ABR: variants seen among roughly 807,000 people sequenced by gnomAD.
ABR encodes the protein active breakpoint cluster region-related protein.
Under a neutral mutation model 107.2 loss-of-function variants are expected in ABR, and 35 were observed. The ratio of observed to expected loss-of-function variants is 0.33; its 90% CI spans 0.25 to 0.43. The LOEUF is 0.43. Among genes scored for constraint, ABR ranks in the 20% least tolerant of loss-of-function variants. The pLI is 1.00. For synonymous variants in ABR, 498 were observed against 462.0 expected (o/e 1.08, Z -1.00); for missense variants, 815 against 1,115.2 (o/e 0.73, Z 3.83).
At chr17:1,058,419 C>T (rs1158895063) in intron 11 of ABR, among the ~76,000 whole-genome samples, 1 of 152,084 alleles carries the variant, frequency 6.6e-6, no homozygotes, top group African/African-American at 2.4e-5. Context: ...GGATGACAGG[C>T]ATGAGCCACT....
intron 16 of ABR, among the ~76,000 whole-genome samples, chr17:1,015,214 C>T (rs1179850423): frequency 2.0e-5 from 3 of 151,876 alleles, no homozygotes; most frequent in East Asian, 4.0e-4. Context: ...GTCAGGAATT[C>T]GAGACCAGCC....
chr17:1,218,903 G>A (rs556225167), intron 1 of ABR, among the ~76,000 whole-genome samples: 8 of 152,258 alleles, frequency 5.3e-5, no homozygotes, highest in East Asian at 3.9e-4. Context: ...AGGAAATCGC[G>A]TTTTTCAGAG....
At position 1,148,150 on chromosome 17, in the gene ABR, T is replaced by A. The variant is rs2040632614; in HGVS notation, c.62-22783A>T. Among the ~76,000 whole-genome samples the A allele has an allele frequency of 6.6e-6, 1 of 152,206 alleles. No homozygotes were observed. Among genetic ancestry groups the A allele is most frequent in the Non-Finnish European group, 1.5e-5 (1 of 68,050 alleles). ...AAGGTTGTCGGGGAAATACCCGCAT[T>A]CCTAAGAGCATTATTGACACTTGCC... On this transcript the variant is annotated intron_variant, in intron 1 of 22. Coordinates refer to ENST00000302538, the MANE Select transcript of ABR (RefSeq NM_021962.5). The surrounding 1 kb of genome is among the most constrained non-coding windows in gnomAD (Gnocchi z 4.9).
In ABR at chr17:1,010,117, G is replaced by A; in HGVS notation, c.2237-333C>T. On this transcript the variant is annotated intron_variant, in intron 20 of 22. Transcript: ENST00000302538. This position sits in a 1 kb window ranked among gnomAD's most constrained non-coding sequence, Gnocchi z 4.1. ...TGTGTGGCTAAGGTTAAGCCAGTAG[G>A]GACATATCCTGCCAGCGGTGGATTC... 2.7e-6 allele frequency: 1 copy of A among 374,354 alleles called. No homozygotes were observed. Among genetic ancestry groups the A allele is most frequent in the Non-Finnish European group, 5.0e-6 (1 of 201,996 alleles). 23.2% of individuals were successfully genotyped at this position (374,354 alleles called of 1,614,324 possible).
chr17:1,012,646 G>A, intron 18 of ABR, 42 bp downstream of exon 18: 4 of 1,480,922 alleles, frequency 2.7e-6, no homozygotes, highest in Non-Finnish European at 3.7e-6. Flanking sequence ...GGGGGACCCG[G>A]GGCACCGACG....
At chr17:1,222,768 G>A (rs554314281) in intron 1 of ABR, among the ~76,000 whole-genome samples, 115 of 152,030 alleles carry the variant, frequency 7.6e-4, no homozygotes, top group African/African-American at 2.3e-3. Context: ...AAAATTAGCC[G>A]GCTCGTGGCA....
chr17:1,179,293 C>T lies in ABR; in HGVS notation c.61+374G>A, dbSNP rs1462029377. On this transcript the variant is annotated intron_variant, in intron 1 of 22. Transcript: ENST00000302538. This position sits in a 1 kb window ranked among gnomAD's most constrained non-coding sequence, Gnocchi z 4.9. ...GACAGAGAAGCTGCCGGTCCAGGGG[C>T]GGGGGCAGCACCCAGAAGGGCCTCC... Among the ~76,000 whole-genome samples, 1 of 152,054 alleles carries T rather than the reference C, an allele frequency of 6.6e-6. No individual in the cohort carries two copies. Among genetic ancestry groups the T allele is most frequent in the Non-Finnish European group, 1.5e-5 (1 of 67,992 alleles).
intron 1 of ABR, among the ~76,000 whole-genome samples, chr17:1,196,638 A>G (rs936860204): frequency 6.6e-6 from 1 of 151,412 alleles, no homozygotes; most frequent in Non-Finnish European, 1.5e-5. Context: ...GCTCTGAACA[A>G]GGCTCGAGTC....
intron 1 of ABR, among the ~76,000 whole-genome samples, chr17:1,139,499 G>A (rs1020425445): frequency 6.6e-6 from 1 of 151,770 alleles, no homozygotes; most frequent in East Asian, 1.9e-4. Flanking sequence ...TGATCCACCC[G>A]CCTCGGCCTC....
chr17:1,220,304 T>A lies in ABR; in HGVS notation c.838+8489A>T, dbSNP rs1055269826. Among the ~76,000 whole-genome samples the A allele has an allele frequency of 3.3e-5, 5 of 149,622 alleles. No individual in the cohort carries two copies. In the South Asian group the frequency reaches 6.3e-4, roughly 19 times the overall value. On this transcript the variant is annotated intron_variant, in intron 1 of 22. Transcript: ENST00000574139. ...AGACTCCGTCTAAAAAAAAAAAAAATTTAAAGTAATCATTTTTCTCAGCAG... is the reference window on the plus strand; with the variant it reads ...AGACTCCGTCTAAAAAAAAAAAAAAATTAAAGTAATCATTTTTCTCAGCAG...
chr17:1,164,928 G>A (rs2041447144), intron 1 of ABR, among the ~76,000 whole-genome samples: 1 of 152,134 alleles, frequency 6.6e-6, no homozygotes, highest in Non-Finnish European at 1.5e-5. Context: ...CTCCCAATAT[G>A]CCCAGCCATA....
chr17:1,044,698 C>G (rs980620430), intron 16 of ABR, among the ~76,000 whole-genome samples: 1 of 152,090 alleles, frequency 6.6e-6, no homozygotes, highest in African/African-American at 2.4e-5. Context: ...GGAATCCCCT[C>G]CTTTTATTCA....
chr17:1,114,446 G>T (rs2038887595), intron 2 of ABR, among the ~76,000 whole-genome samples: 2 of 148,316 alleles, frequency 1.3e-5, no homozygotes, highest in South Asian at 4.3e-4. Context: ...CTCTAGTCTG[G>T]GCGACAGAGC....
chr17:1,128,205 G>C (rs780897701), intron 1 of ABR, among the ~76,000 whole-genome samples: 1 of 152,204 alleles, frequency 6.6e-6, no homozygotes, highest in Non-Finnish European at 1.5e-5. Flanking sequence ...ACTCCAACCA[G>C]GAAAAGGGGT....
chr17:1,139,841 A>G (rs1257233638), intron 1 of ABR, among the ~76,000 whole-genome samples: 2 of 152,168 alleles, frequency 1.3e-5, no homozygotes, highest in Admixed American at 6.5e-5. Flanking sequence ...AGGGGTTCAT[A>G]TGGAAGAAAC....
At chr17:1,089,977 G>A (rs930159545) in intron 4 of ABR, among the ~76,000 whole-genome samples, 6 of 152,122 alleles carry the variant, frequency 3.9e-5, no homozygotes, top group Non-Finnish European at 8.8e-5. Flanking sequence ...AAAAGGAAAT[G>A]CAGTCCGTCC....
intron 1 of ABR, among the ~76,000 whole-genome samples, chr17:1,167,518 C>A (rs372989759): frequency 4.0e-5 from 6 of 151,794 alleles, no homozygotes; most frequent in African/African-American, 1.4e-4. Context: ...AGCCGAGGAG[C>A]TTTTCAGACA....
At chr17:1,047,106 G>A (rs77557579) in intron 16 of ABR, among the ~76,000 whole-genome samples, 179 of 152,316 alleles carry the variant, frequency 1.2e-3, no homozygotes, top group Non-Finnish European at 2.1e-3. Flanking sequence ...TGGGCTGCTG[G>A]GAGGGGGCTT....
rs1271586661 is a variant in ABR, at chr17:1,196,157, C to T, written c.838+32636G>A. ...AAAAAAAAAAAAAATAGGCAAGGTG[C>T]GGTGGCTCACGCCTATAATCCCGGC... On this transcript the variant is annotated intron_variant, in intron 1 of 22. Coordinates refer to the ABR transcript ENST00000574139. 9.6e-5 allele frequency among the ~76,000 whole-genome samples: 14 copies of T among 145,272 alleles called. 2 individuals are homozygous for T. The highest frequency in any genetic ancestry group is 3.4e-4 in the African/African-American group (13 of 38,686).
Sources: gnomAD v4.1 joint callset for allele counts (sites outside exome capture counted in the v4.1 genomes callset) on GRCh38, gnomAD v4.1.1 for gene constraint, Gnocchi (gnomAD v3.1) non-coding constraint, MANE v1.5 for transcripts, NCBI Gene and HGNC (gene_info 2026-07-23, HGNC 2026-07-21) for gene names.